Variants in IL23R observed in about 807,000 individuals in gnomAD.
IL23R encodes the protein interleukin 23 receptor.
IL23R carries 34 observed loss-of-function variants against 56.9 expected under a neutral mutation model. The ratio of observed to expected loss-of-function variants is 0.60; its 90% confidence interval spans 0.45 to 0.80. The LOEUF (loss-of-function observed/expected upper bound fraction) is 0.80. Among genes scored for constraint, IL23R ranks in the 30% least tolerant of loss-of-function variants. The pLI is 0.00. For synonymous variants in IL23R, 230 were observed against 249.2 expected, an observed-to-expected ratio of 0.92 and a Z score of 0.73; for missense variants, 635 against 730.0, an observed-to-expected ratio of 0.87 and a Z score of 1.50.
chr1:67,235,277 G>A lies in IL23R; in HGVS notation c.956-1436G>A, dbSNP rs532249742. On this transcript the variant is annotated intron_variant, in intron 7 of 10. Transcript: ENST00000347310. The stretch of plus-strand genomic sequence containing the variant: ...GTAGAGAAGCCAGGACAAAAAACAC[G>A]GGAAATAACTTTTGGCTTTTCTGAT... 1.5e-4 allele frequency among the ~76,000 whole-genome samples: 23 copies of A among 152,240 alleles called. No homozygotes were observed. In the South Asian group the frequency reaches 2.3e-3, roughly 15 times the overall value.
chr1:67,180,835 C>T lies in IL23R; in HGVS notation c.368-2001C>T, dbSNP rs1282087942. 1.1e-4 allele frequency among the ~76,000 whole-genome samples: 16 copies of T among 152,272 alleles called. 1 individual carries two copies. The East Asian group carries it at 3.1e-3, about 29-fold the overall frequency. ...GCCTGGTGGTGACAAAATCTCTCAG[C>T]ATTTGCTTGTCTGTAAAGTATTTTA... On this transcript the variant is annotated intron_variant, in intron 3 of 10. Coordinates refer to ENST00000347310, the MANE Select transcript of IL23R (RefSeq NM_144701.3).
At chr1:67,210,953 A>G (rs139592786) in intron 6 of IL23R, among the ~76,000 whole-genome samples, 1 of 152,330 alleles carries the variant, frequency 6.6e-6, no homozygotes, top group East Asian at 1.9e-4. Context: ...CGGTTTTGCT[A>G]TAGAGTAATA....
At chr1:67,265,065 A>T in the IL23R span, among the ~76,000 whole-genome samples, 1 of 152,194 alleles carries the variant, frequency 6.6e-6, no homozygotes, top group Non-Finnish European at 1.5e-5. Context: ...AAAATTAGAG[A>T]CTGTCAGAGC....
chr1:67,240,084 A>G, intron 8 of IL23R, 95 bp from the exon 9 acceptor site: 1 of 909,682 alleles, frequency 1.1e-6, no homozygotes, highest in Non-Finnish European at 1.8e-6. Flanking sequence ...TTCTCCTTTG[A>G]GACCTTTGCT....
intron 4 of IL23R, among the ~76,000 whole-genome samples, chr1:67,191,001 T>C (rs72676064): frequency 0.054 from 8,188 of 152,234 alleles, 314 homozygotes; most frequent in African/African-American, 0.098. Flanking sequence ...CAAAATGTAG[T>C]TTATATTTTA....
chr1:67,195,358 A>T (rs6656929), intron 4 of IL23R, among the ~76,000 whole-genome samples: 58,614 of 152,012 alleles, frequency 0.39, 11,526 homozygotes, highest in Admixed American at 0.5. Flanking sequence ...TAATTCAGAA[A>T]AATTGTTGTT....
rs568643816 is a variant in IL23R at position 67,246,317 on chromosome 1, G to T, written c.1148+6036G>T. On this transcript the variant is annotated intron_variant, in intron 9 of 10. Coordinates refer to ENST00000347310, the MANE Select transcript of IL23R (RefSeq NM_144701.3). ...TTTTCATGTCTCTGTCTCCTTCAGT[G>T]CTTCTCTGATCTTAGTTACTTCTTG... Among the ~76,000 whole-genome samples the T allele has an allele frequency of 5.0e-3, 760 of 152,106 alleles. 2 individuals are homozygous for T. Among genetic ancestry groups the T allele is most frequent in the Non-Finnish European group, 7.1e-3 (480 of 67,960 alleles).
downstream of IL23R, chr1:67,260,075 T>C (rs1653153835): frequency 6.6e-6 from 1 of 151,104 alleles, no homozygotes; most frequent in African/African-American, 2.4e-5. Flanking sequence ...GATAAAAATA[T>C]AGCCCCAAAT....
At chr1:67,209,314 A>T (rs1649288769) in intron 6 of IL23R, among the ~76,000 whole-genome samples, 1 of 152,106 alleles carries the variant, frequency 6.6e-6, no homozygotes. Flanking sequence ...AAATGTGAGG[A>T]CACGAATTTG....
chr1:67,241,918 C>T (rs565890300), intron 9 of IL23R, among the ~76,000 whole-genome samples: 1 of 152,252 alleles, frequency 6.6e-6, no homozygotes, highest in Non-Finnish European at 1.5e-5. Context: ...ACAACTGAAT[C>T]ACTATAATAC....
intron 6 of IL23R, among the ~76,000 whole-genome samples, chr1:67,210,439 T>G (rs1403476896): frequency 6.6e-6 from 1 of 150,776 alleles, no homozygotes; most frequent in Non-Finnish European, 1.5e-5. Context: ...GTTTCTGGCC[T>G]TTTTTTTTCC....
chr1:67,205,910 T>TC (rs1648992817), intron 5 of IL23R, among the ~76,000 whole-genome samples: 1 of 116,746 alleles, frequency 8.6e-6, no homozygotes, highest in Non-Finnish European at 2.0e-5. Flanking sequence ...TTTCTTTCTT[T>TC]CTTTCTTTCT....
intron 5 of IL23R, among the ~76,000 whole-genome samples, chr1:67,205,908 TTTC>T: frequency 1.6e-5 from 2 of 122,610 alleles, no homozygotes; most frequent in African/African-American, 5.4e-5. Context: ...TCTTTCTTTC[TTTC>T]TTTCTTTCTT....
intron 6 of IL23R, 31 bp from the exon 7 acceptor site, chr1:67,219,543 A>G: frequency 6.2e-7 from 1 of 1,602,798 alleles, no homozygotes; most frequent in South Asian, 1.1e-5. Context: ...AAAGCACACC[A>G]CATTTTATTA....
chr1:67,179,067 T>G (rs1470923435), intron 3 of IL23R, among the ~76,000 whole-genome samples: 1 of 152,222 alleles, frequency 6.6e-6, no homozygotes, highest in African/African-American at 2.4e-5. Context: ...GAGATATTGG[T>G]CTAAAATTCT....
At chr1:67,154,612 A>G (rs1570759834) in intron 1 of IL23R, among the ~76,000 whole-genome samples, 1 of 151,676 alleles carries the variant, frequency 6.6e-6, no homozygotes, top group Non-Finnish European at 1.5e-5. Flanking sequence ...TTTATTATTT[A>G]TTTTTTATTT....
At chr1:67,242,556 C>T (rs2100337087) in intron 9 of IL23R, among the ~76,000 whole-genome samples, 1 of 152,144 alleles carries the variant, frequency 6.6e-6, no homozygotes, top group South Asian at 2.1e-4. Context: ...TTAGCTTTAC[C>T]TTAAGGGTTC....
rs1479679612 is a variant in IL23R, at chr1:67,259,655, A to G, written c.*527A>G. On this transcript the variant is annotated 3_prime_UTR_variant, in exon 11 of 11. Coordinates refer to ENST00000347310, the MANE Select transcript of IL23R (RefSeq NM_144701.3). ...TACCTGGTAGTAAAATAAATGCTGA[A>G]AATTTTCCTTTAAAATAGAATCATT... is the stretch of plus-strand genomic sequence containing the variant. 1 of 160,118 alleles carries G rather than the reference A, an allele frequency of 6.2e-6. No homozygotes were observed. The highest frequency in any genetic ancestry group is 1.4e-5 in the Non-Finnish European group (1 of 73,044). 9.9% of individuals were successfully genotyped at this position (160,118 alleles called of 1,614,324 possible). A position where few individuals can be genotyped will look rare whatever the true frequency, so the allele number is the denominator to read the frequency against.
chr1:67,190,142 G>A (rs1248164349), intron 4 of IL23R, among the ~76,000 whole-genome samples: 1 of 152,202 alleles, frequency 6.6e-6, no homozygotes, highest in East Asian at 1.9e-4. Flanking sequence ...TCTAACTCAT[G>A]TGGTTCAGTT....
Sources: allele counts gnomAD v4.1 joint callset (sites outside exome capture counted in the v4.1 genomes callset), GRCh38; gene constraint gnomAD v4.1.1; transcripts MANE v1.5; gene names NCBI Gene and HGNC (gene_info 2026-07-23, HGNC 2026-07-21).